The following RGS3 variants were observed in gnomAD, a reference collection of about 807,000 sequenced individuals.
RGS3 encodes the protein regulator of G protein signaling 3, also known as regulator of G-protein signalling 3.
In RGS3, 80 loss-of-function variants were observed where a neutral mutation model predicts 132.6. The observed-to-expected ratio is 0.60, with a 90% CI of 0.50 to 0.73. RGS3 has a LOEUF of 0.73. RGS3 is among the 30% of genes least tolerant of loss of function. The pLI, the probability that RGS3 is intolerant of heterozygous loss-of-function variation, is 0.00. For missense variants in RGS3, 1,382 were observed against 1,530.8 expected (o/e 0.90, Z 1.62); for synonymous variants, 598 against 620.6 (o/e 0.96, Z 0.54).
At chr9:113,479,923 G>A (rs1290228027) in intron 4 of RGS3, among the ~76,000 whole-genome samples, 1 of 152,058 alleles carries the variant, frequency 6.6e-6, no homozygotes, top group East Asian at 1.9e-4. Flanking sequence ...TTCATTGGTT[G>A]ACAGGCAGCA....
intron 3 of RGS3, among the ~76,000 whole-genome samples, chr9:113,471,256 G>T (rs930561544): frequency 6.6e-6 from 1 of 151,960 alleles, no homozygotes; most frequent in Non-Finnish European, 1.5e-5. Context: ...CTGCTTCTTG[G>T]TGGGCCCTGG....
At chr9:113,515,726 A>C (rs1180327248) in intron 15 of RGS3, among the ~76,000 whole-genome samples, 1 of 152,240 alleles carries the variant, frequency 6.6e-6, no homozygotes, top group African/African-American at 2.4e-5. Context: ...TTCTGTGTGC[A>C]TATGCACATT....
At position 113,583,990 on chromosome 9, in the gene RGS3, C is replaced by T. The variant is rs149606643; in HGVS notation, c.2578C>T (p.Arg860Trp). 1.1e-4 allele frequency: 179 copies of T among 1,614,102 alleles called. 1 individual carries two copies. Among genetic ancestry groups the T allele is most frequent in the South Asian group, 9.9e-4 (90 of 91,080 alleles). The stretch of plus-strand genomic sequence containing the variant: ...GCCAGCCTTCGTGATCCCTGAGGTC[C>T]GGCTGGATAGCACCTACAGCCAGAA... The change falls in exon 20 of 25, where the codon CGG (arginine) becomes TGG (tryptophan). Residue 860 changes from arginine to tryptophan, a missense_variant. Transcript: ENST00000350696.
At chr9:113,557,613 C>G (rs987687822) in intron 19 of RGS3, among the ~76,000 whole-genome samples, 1 of 152,236 alleles carries the variant, frequency 6.6e-6, no homozygotes, top group East Asian at 1.9e-4. Flanking sequence ...TCGTCTACTT[C>G]TCGGCTCATC....
At chr9:113,488,052 T>C (rs1238497359) in intron 7 of RGS3, among the ~76,000 whole-genome samples, 1 of 152,194 alleles carries the variant, frequency 6.6e-6, no homozygotes, top group Non-Finnish European at 1.5e-5. Flanking sequence ...ATGCACATTC[T>C]AGATCTATCA....
At position 113,463,597 on chromosome 9, in the gene RGS3, C is replaced by T. The variant is rs926130544; in HGVS notation, c.415+1396C>T. 20 of 1,042,494 alleles carry T rather than the reference C, an allele frequency of 1.9e-5. No individual in the cohort carries two copies. The South Asian group carries it at 2.2e-4, about 11-fold the overall frequency. The allele number at this position is 1,042,494 out of a possible 1,614,324, so 64.6% of individuals were successfully genotyped here. A position where few individuals can be genotyped will look rare whatever the true frequency, so the allele number is the denominator to read the frequency against. On this transcript the variant is annotated intron_variant, in intron 3 of 24. Transcript: ENST00000350696. This position sits in a 1 kb window ranked among gnomAD's most constrained non-coding sequence, Gnocchi z 4.6. ...GTCGGCGGCGCCGCCTCCCCCACCC[C>T]GGCCCAGCTCTGCTCCGGCAGGTGG... is the stretch of plus-strand genomic sequence containing the variant.
chr9:113,561,158 G>A (rs1404577433), intron 19 of RGS3, among the ~76,000 whole-genome samples: 1 of 152,004 alleles, frequency 6.6e-6, no homozygotes, highest in Non-Finnish European at 1.5e-5. Context: ...CAAGTAGCTG[G>A]GATTAGAGGC....
intron 4 of RGS3, among the ~76,000 whole-genome samples, chr9:113,480,993 A>T (rs937973067): frequency 6.6e-6 from 1 of 152,170 alleles, no homozygotes; most frequent in Admixed American, 6.5e-5. Flanking sequence ...CCTTGAATAC[A>T]TCTTGCTTGC....
Position 113,463,624 on chromosome 9 carries a change from ACT to A in RGS3, c.415+1427_415+1428del. 1 of 1,059,588 alleles carries A rather than the reference ACT, an allele frequency of 9.4e-7. No homozygotes were observed. Among genetic ancestry groups the A allele is most frequent in the South Asian group, 1.9e-5 (1 of 52,178 alleles). 65.6% of individuals were successfully genotyped at this position (1,059,588 alleles called of 1,614,324 possible). A position where few individuals can be genotyped will look rare whatever the true frequency, so the allele number is the denominator to read the frequency against. ...GCCCAGCTCTGCTCCGGCAGGTGGA[ACT>A]CTCCCCATTCAAACCCGCGCGGGCC... is the stretch of plus-strand genomic sequence containing the variant. On this transcript the variant is annotated intron_variant, in intron 3 of 24. Transcript: ENST00000350696. The surrounding 1 kb of genome is among the most constrained non-coding windows in gnomAD (Gnocchi z 4.6).
At chr9:113,540,645 C>T (rs1383565636) in intron 19 of RGS3, among the ~76,000 whole-genome samples, 1 of 152,250 alleles carries the variant, frequency 6.6e-6, no homozygotes, top group African/African-American at 2.4e-5. Flanking sequence ...GAAGGGCAGA[C>T]ACAGTGCAGT....
chr9:113,468,037 C>T (rs898442487), intron 3 of RGS3, among the ~76,000 whole-genome samples: 4 of 152,188 alleles, frequency 2.6e-5, no homozygotes, highest in Non-Finnish European at 4.4e-5. Flanking sequence ...GAACCCCAAA[C>T]ATTTTTAATT....
chr9:113,457,444 A>C (rs778609749), upstream of RGS3, among the ~76,000 whole-genome samples: 1 of 151,776 alleles, frequency 6.6e-6, no homozygotes, highest in Non-Finnish European at 1.5e-5. Context: ...TTGACTATAA[A>C]CTCCATCTTT....
chr9:113,514,403 A>G (rs1831550897), intron 14 of RGS3, 55 bp from the exon 13 acceptor site: 1 of 1,495,628 alleles, frequency 6.7e-7, no homozygotes, highest in Non-Finnish European at 9.2e-7. Context: ...TACAGAGGGG[A>G]CACCTTTGCA....
Position 113,506,576 on chromosome 9 carries a change from C to A in RGS3, c.1085+83C>A. On this transcript the variant is annotated intron_variant, in intron 12 of 24. Coordinates refer to ENST00000350696, the Ensembl canonical transcript of RGS3. This position sits in a 1 kb window ranked among gnomAD's most constrained non-coding sequence, Gnocchi z 4.7. ...CCTGGGCACACTGCCTTGCCTGGCC[C>A]AGCTCTTGCTGCTCCCTCTTTTGCC... 1 of 868,150 alleles carries A rather than the reference C, an allele frequency of 1.2e-6. No individual in the cohort carries two copies. The highest frequency in any genetic ancestry group is 1.9e-6 in the Non-Finnish European group (1 of 537,170). 53.8% of individuals were successfully genotyped at this position (868,150 alleles called of 1,614,324 possible).
At chr9:113,484,277 G>A in intron 6 of RGS3, 45 bp downstream of exon 4, 2 of 822,262 alleles carry the variant, frequency 2.4e-6, no homozygotes, top group Non-Finnish European at 3.8e-6. Flanking sequence ...GAGGGAAGGA[G>A]TGTTTATCTG....
intron 24 of RGS3, among the ~76,000 whole-genome samples, chr9:113,596,216 C>T (rs2119073071): frequency 6.6e-6 from 1 of 152,300 alleles, no homozygotes; most frequent in Admixed American, 6.5e-5. Context: ...CGCCTGTGGT[C>T]CCAGCTACTC....
intron 3 of RGS3, among the ~76,000 whole-genome samples, chr9:113,469,925 G>C (rs1382843774): frequency 7.9e-6 from 1 of 126,168 alleles, no homozygotes; most frequent in Non-Finnish European, 1.7e-5. Context: ...TGTCGTTGTT[G>C]TTTTGAGACT....
intron 3 of RGS3, among the ~76,000 whole-genome samples, chr9:113,472,121 C>T (rs1829854663): frequency 6.6e-6 from 1 of 152,174 alleles, no homozygotes; most frequent in Admixed American, 6.5e-5. Context: ...CAATAACAGG[C>T]GTTGAAGAAG....
intron 3 of RGS3, among the ~76,000 whole-genome samples, chr9:113,471,143 C>A (rs371325424): frequency 6.6e-6 from 1 of 152,072 alleles, no homozygotes; most frequent in Non-Finnish European, 1.5e-5. Context: ...TACTTGAAAT[C>A]GAGCTGTAGT....
Sources: gnomAD v4.1 joint callset for allele counts (sites outside exome capture counted in the v4.1 genomes callset) on GRCh38, gnomAD v4.1.1 for gene constraint, Gnocchi (gnomAD v3.1) non-coding constraint, MANE v1.5 for transcripts, NCBI Gene and HGNC (gene_info 2026-07-23, HGNC 2026-07-21) for gene names.